The following SLC44A5 variants were observed in gnomAD, a reference collection of about 807,000 sequenced individuals.
SLC44A5 encodes choline transporter-like protein 5.
In SLC44A5, 57 loss-of-function variants were observed where a neutral mutation model predicts 101.8. The ratio of observed to expected loss-of-function variants is 0.56; its 90% CI spans 0.45 to 0.70. SLC44A5 has a LOEUF of 0.70. SLC44A5 is among the 30% of genes least tolerant of loss of function. The pLI is 0.00. For missense variants in SLC44A5, 737 were observed against 853.1 expected (o/e 0.86, Z 1.70); for synonymous variants, 281 against 290.9 (o/e 0.97, Z 0.35).
chr1:75,331,938 C>T (rs932115072), intron 4 of SLC44A5, among the ~76,000 whole-genome samples: 1 of 152,104 alleles, frequency 6.6e-6, no homozygotes, highest in African/African-American at 2.4e-5. Context: ...TAACACTTCC[C>T]CTCCCCTACA....
At chr1:75,610,287 A>G (rs559862685) in intron 1 of SLC44A5, among the ~76,000 whole-genome samples, 1 of 152,226 alleles carries the variant, frequency 6.6e-6, no homozygotes, top group South Asian at 2.1e-4. Context: ...AATTATTTAG[A>G]GAGAGCAATA....
chr1:75,239,068 T>G (rs993051247), intron 9 of SLC44A5, among the ~76,000 whole-genome samples: 8 of 151,996 alleles, frequency 5.3e-5, no homozygotes, highest in Non-Finnish European at 1.2e-4. Flanking sequence ...TGGGGATCAG[T>G]GAATAATACC....
intron 3 of SLC44A5, among the ~76,000 whole-genome samples, chr1:75,393,140 A>G (rs1661905830): frequency 6.6e-6 from 1 of 152,164 alleles, no homozygotes; most frequent in African/African-American, 2.4e-5. Context: ...AAGCCTGCAC[A>G]TGTGCCCTCT....
At chr1:75,261,945 C>A (rs539642928) in intron 6 of SLC44A5, among the ~76,000 whole-genome samples, 1 of 152,048 alleles carries the variant, frequency 6.6e-6, no homozygotes, top group African/African-American at 2.4e-5. Flanking sequence ...ATTCAACAGC[C>A]CTTCATGCTA....
chr1:75,619,359 T>A, the SLC44A5 span, among the ~76,000 whole-genome samples: 6 of 152,154 alleles, frequency 3.9e-5, no homozygotes, highest in Admixed American at 3.9e-4. Flanking sequence ...AATATCATTA[T>A]GCAGTGCGTT....
chr1:75,540,494 T>A, intron 2 of SLC44A5, among the ~76,000 whole-genome samples: 1 of 152,240 alleles, frequency 6.6e-6, no homozygotes, highest in Non-Finnish European at 1.5e-5. Flanking sequence ...ACTGTCCATA[T>A]AGTACAATGT....
intron 5 of SLC44A5, among the ~76,000 whole-genome samples, chr1:75,276,734 G>A (rs1426625404): frequency 6.6e-6 from 1 of 152,148 alleles, no homozygotes; most frequent in Non-Finnish European, 1.5e-5. Flanking sequence ...CAAGAGCTTT[G>A]ATGCAGGTGG....
chr1:75,340,289 T>C (rs1174897468), intron 3 of SLC44A5, among the ~76,000 whole-genome samples: 1 of 152,198 alleles, frequency 6.6e-6, no homozygotes, highest in African/African-American at 2.4e-5. Context: ...AATGGCTTTT[T>C]TCTCCCTACA....
chr1:75,509,840 T>C (rs904417418), intron 2 of SLC44A5, among the ~76,000 whole-genome samples: 1 of 152,312 alleles, frequency 6.6e-6, no homozygotes, highest in South Asian at 2.1e-4. Flanking sequence ...TAAAGATTCA[T>C]ATGGATTTCT....
chr1:75,396,719 T>C, intron 2 of SLC44A5, 98 bp from the exon 3 acceptor site: 1 of 913,172 alleles, frequency 1.1e-6, no homozygotes, highest in Non-Finnish European at 1.8e-6. Context: ...TCTTAGTCTT[T>C]AGACTAACAC....
chr1:75,706,565 A>T, the SLC44A5 span, among the ~76,000 whole-genome samples: 175 of 152,126 alleles, frequency 1.2e-3, no homozygotes, highest in Non-Finnish European at 2.0e-3. Context: ...CATTTTTTCA[A>T]TATATCTGTT....
intron 2 of SLC44A5, among the ~76,000 whole-genome samples, chr1:75,471,003 A>T (rs1437973089): frequency 6.6e-6 from 1 of 152,166 alleles, no homozygotes; most frequent in East Asian, 1.9e-4. Flanking sequence ...TTTGGGGGTA[A>T]ATGAAAAAGC....
chr1:75,579,246 C>T (rs1673543348), intron 1 of SLC44A5, among the ~76,000 whole-genome samples: 1 of 152,098 alleles, frequency 6.6e-6, no homozygotes, highest in African/African-American at 2.4e-5. Context: ...AAGGAAATGC[C>T]TTTGACTAAT....
intron 2 of SLC44A5, among the ~76,000 whole-genome samples, chr1:75,424,319 T>G (rs1461027747): frequency 6.6e-6 from 1 of 152,184 alleles, no homozygotes; most frequent in African/African-American, 2.4e-5. Context: ...TTTGTTTTGT[T>G]TTTTGAGATG....
chr1:75,628,641 A>T, the SLC44A5 span, among the ~76,000 whole-genome samples: 1 of 152,208 alleles, frequency 6.6e-6, no homozygotes, highest in Non-Finnish European at 1.5e-5. Context: ...GCAGCAAAAA[A>T]AGTAAATAGC....
At chr1:75,421,038 T>C (rs1003400250) in intron 2 of SLC44A5, among the ~76,000 whole-genome samples, 2 of 152,090 alleles carry the variant, frequency 1.3e-5, no homozygotes, top group Admixed American at 1.3e-4. Flanking sequence ...ATAACTACTG[T>C]TTCAGAGGGG....
At chr1:75,590,711 C>T (rs1261861402) in intron 1 of SLC44A5, among the ~76,000 whole-genome samples, 2 of 152,102 alleles carry the variant, frequency 1.3e-5, no homozygotes, top group African/African-American at 2.4e-5. Context: ...GGGTGAGGTT[C>T]CTCTGCCTTT....
At chr1:75,211,420 C>A in intron 23 of SLC44A5, 48 bp downstream of exon 23, 1 of 1,465,290 alleles carries the variant, frequency 6.8e-7, no homozygotes, top group South Asian at 1.2e-5. Flanking sequence ...ACCATCTCAC[C>A]TTTCAGTTAT....
chr1:75,714,700 G>A, the SLC44A5 span, among the ~76,000 whole-genome samples: 1 of 151,320 alleles, frequency 6.6e-6, no homozygotes, highest in Admixed American at 6.6e-5. Flanking sequence ...TTTTTGAGAC[G>A]GAGTCTCACT....
Sources: allele counts gnomAD v4.1 joint callset (sites outside exome capture counted in the v4.1 genomes callset), GRCh38; gene constraint gnomAD v4.1.1; transcripts MANE v1.5; gene names NCBI Gene and HGNC (gene_info 2026-07-23, HGNC 2026-07-21).